The following NCOA2 variants were observed in gnomAD, a reference collection of about 807,000 sequenced individuals.
The protein encoded by NCOA2 is class E basic helix-loop-helix protein 75.
A neutral mutation model predicts 145.1 loss-of-function variants in NCOA2; 21 were observed. The observed-to-expected ratio is 0.14, with a 90% confidence interval of 0.10 to 0.21. NCOA2 has a LOEUF of 0.21. Among genes scored for constraint, NCOA2 ranks in the 10% least tolerant of loss-of-function variants. The pLI is 1.00. For missense variants in NCOA2, 1,472 were observed against 1,837.6 expected, an observed-to-expected ratio of 0.80 and a Z score of 3.64; for synonymous variants, 619 against 637.5, an observed-to-expected ratio of 0.97 and a Z score of 0.44.
upstream of NCOA2, among the ~76,000 whole-genome samples, chr8:70,405,254 T>A (rs1814714826): frequency 6.6e-6 from 1 of 151,756 alleles, no homozygotes. Context: ...ATAAAAAAAA[T>A]GTGTGGGGTG....
chr8:70,242,663 T>G (rs1390036016), intron 2 of NCOA2, among the ~76,000 whole-genome samples: 1 of 152,204 alleles, frequency 6.6e-6, no homozygotes, highest in African/African-American at 2.4e-5. Context: ...AATCTTATAT[T>G]CCCTTGGCTT....
chr8:70,125,525 G>A (rs938890567), intron 19 of NCOA2, among the ~76,000 whole-genome samples: 1 of 151,974 alleles, frequency 6.6e-6, no homozygotes, highest in East Asian at 1.9e-4. Context: ...CAAAGTGCTG[G>A]GATTACAGGC....
At chr8:70,186,070 C>T (rs1344361334) in intron 4 of NCOA2, among the ~76,000 whole-genome samples, 5 of 151,960 alleles carry the variant, frequency 3.3e-5, no homozygotes, top group South Asian at 2.1e-4. Flanking sequence ...AATACATACA[C>T]ACTCTCTCAC....
rs1320917129 is a variant in NCOA2, at chr8:70,110,436, C to T, written c.*3196G>A. 5.1e-6 allele frequency: 1 copy of T among 195,868 alleles called. No individual in the cohort carries two copies. The highest frequency in any genetic ancestry group is 8.1e-5 in the East Asian group (1 of 12,388). 12.1% of individuals were successfully genotyped at this position (195,868 alleles called of 1,614,324 possible). ...TTTTGCTTTAGTCTATAAAGAAACA[C>T]CAGGGAGAAAATTCTAATTAAAATC... On this transcript the variant is annotated 3_prime_UTR_variant, in exon 23 of 23. Transcript: ENST00000452400.
chr8:70,271,530 T>A (rs1825045359), intron 2 of NCOA2, among the ~76,000 whole-genome samples: 3 of 152,220 alleles, frequency 2.0e-5, no homozygotes, highest in African/African-American at 7.2e-5. Flanking sequence ...CTCAACTTTT[T>A]AAGTTGTAAA....
At chr8:70,333,808 T>C (rs1807312865) in intron 1 of NCOA2, among the ~76,000 whole-genome samples, 1 of 152,234 alleles carries the variant, frequency 6.6e-6, no homozygotes, top group Admixed American at 6.5e-5. Context: ...CTGAGCAATA[T>C]ACATACCTAT....
chr8:70,193,110 A>G (rs962147568), intron 4 of NCOA2, among the ~76,000 whole-genome samples: 1 of 151,326 alleles, frequency 6.6e-6, no homozygotes, highest in Non-Finnish European at 1.5e-5. Flanking sequence ...GGACAATATC[A>G]TACTTGAAAA....
At chr8:70,258,783 T>G (rs1471317320) in intron 2 of NCOA2, among the ~76,000 whole-genome samples, 2 of 152,234 alleles carry the variant, frequency 1.3e-5, no homozygotes. Context: ...AACATGGAGA[T>G]AGAAATTACT....
chr8:70,347,449 C>T (rs1239055108), intron 1 of NCOA2, among the ~76,000 whole-genome samples: 1 of 151,098 alleles, frequency 6.6e-6, no homozygotes, highest in Non-Finnish European at 1.5e-5. Context: ...CGTGCCATTG[C>T]ACTCTAGCCT....
intron 4 of NCOA2, among the ~76,000 whole-genome samples, chr8:70,210,571 T>G (rs1818911628): frequency 6.6e-6 from 1 of 152,198 alleles, no homozygotes; most frequent in Non-Finnish European, 1.5e-5. Flanking sequence ...ACAGAATGCT[T>G]ATTAATTTAA....
At chr8:70,433,948 C>T in the NCOA2 span, among the ~76,000 whole-genome samples, 1 of 152,076 alleles carries the variant, frequency 6.6e-6, no homozygotes, top group East Asian at 1.9e-4. Context: ...TCTGGAACTT[C>T]AGGGAAAAAA....
chr8:70,282,579 T>C (rs1825963107), intron 2 of NCOA2, among the ~76,000 whole-genome samples: 1 of 151,494 alleles, frequency 6.6e-6, no homozygotes, highest in Non-Finnish European at 1.5e-5. Context: ...TCCCAGCTAC[T>C]CGGGAGGCTG....
chr8:70,455,674 T>C, the NCOA2 span, among the ~76,000 whole-genome samples: 4 of 137,190 alleles, frequency 2.9e-5, no homozygotes, highest in African/African-American at 1.2e-4. Flanking sequence ...GAGTCCTTCA[T>C]TTTTTTTTTT....
chr8:70,333,055 G>A (rs11777228), intron 1 of NCOA2, among the ~76,000 whole-genome samples: 3,889 of 152,254 alleles, frequency 0.026, 75 homozygotes, highest in South Asian at 0.074. Flanking sequence ...CTCAATGATA[G>A]TGGCAAAGCA....
chr8:70,421,422 G>C, the NCOA2 span, among the ~76,000 whole-genome samples: 3 of 152,050 alleles, frequency 2.0e-5, no homozygotes, highest in Non-Finnish European at 2.9e-5. Flanking sequence ...GCCAGGTGTG[G>C]TAGCATGCGC....
chr8:70,403,921 G>A (rs1482389994), upstream of NCOA2: 9 of 374,378 alleles, frequency 2.4e-5, no homozygotes, highest in Non-Finnish European at 4.3e-5. Flanking sequence ...GCGAGCTCGC[G>A]AGCAGGGGAG....
At chr8:70,223,059 C>T (rs1820301153) in intron 2 of NCOA2, among the ~76,000 whole-genome samples, 1 of 152,148 alleles carries the variant, frequency 6.6e-6, no homozygotes, top group Admixed American at 6.5e-5. Flanking sequence ...GAAAACATCG[C>T]AGGAAGAAGC....
chr8:70,214,558 A>C (rs569161481), intron 3 of NCOA2, among the ~76,000 whole-genome samples: 45 of 152,352 alleles, frequency 3.0e-4, no homozygotes, highest in African/African-American at 1.1e-3. Context: ...AATTTTATAG[A>C]CTTCTTCAGA....
intron 1 of NCOA2, among the ~76,000 whole-genome samples, chr8:70,344,036 T>A (rs1201686195): frequency 6.6e-6 from 1 of 152,136 alleles, no homozygotes; most frequent in Non-Finnish European, 1.5e-5. Context: ...CTTTTTAATC[T>A]ATGTATTCTA....
Sources: allele counts gnomAD v4.1 joint callset (sites outside exome capture counted in the v4.1 genomes callset), GRCh38; gene constraint gnomAD v4.1.1; transcripts MANE v1.5; gene names NCBI Gene and HGNC (gene_info 2026-07-23, HGNC 2026-07-21).